The following IGHMBP2 variants were observed in gnomAD, a reference collection of about 807,000 sequenced individuals.
The protein encoded by IGHMBP2 is DNA-binding protein SMUBP-2.
In IGHMBP2, 81 loss-of-function variants were observed where a neutral mutation model predicts 96.0. That is an observed-to-expected ratio of 0.84 (90% CI 0.71 to 1.01). The LOEUF (loss-of-function observed/expected upper bound fraction) is 1.01. Among genes scored for constraint, IGHMBP2 ranks in the 50% least tolerant of loss-of-function variants. The pLI, the probability that IGHMBP2 is intolerant of heterozygous loss-of-function variation, is 0.00. For missense variants in IGHMBP2, 1,227 were observed against 1,306.3 expected, an observed-to-expected ratio of 0.94 and a Z score of 0.94; for synonymous variants, 557 against 548.9, an observed-to-expected ratio of 1.01 and a Z score of -0.21.
At chr11:68,913,362 G>A (rs1265876141) in intron 5 of IGHMBP2, among the ~76,000 whole-genome samples, 1 of 152,148 alleles carries the variant, frequency 6.6e-6, no homozygotes, top group African/African-American at 2.4e-5. Context: ...CTTTGGACAT[G>A]CCAGTGGGGT....
At chr11:68,925,771 A>G (rs1339935109) in intron 7 of IGHMBP2, among the ~76,000 whole-genome samples, 2 of 152,188 alleles carry the variant, frequency 1.3e-5, no homozygotes, top group African/African-American at 4.8e-5. Context: ...TGGACGTGTC[A>G]TTCCATTGCC....
Position 68,936,571 on chromosome 11 carries a change from G to C in IGHMBP2, c.2091G>C (p.Pro697=). 1 of 1,611,774 alleles carries C rather than the reference G, an allele frequency of 6.2e-7. No individual in the cohort carries two copies. Among genetic ancestry groups the C allele is most frequent in the Non-Finnish European group, 8.5e-7 (1 of 1,178,752 alleles). ...CTGCCAGACAGGGCCGGAAGAAGCC[G>C]GCTGGGAAGTCTCTGGCCTCTGAAG... ...AAPARQGRKK[P]AGKSLASEAP... Residue 697 remains proline, a synonymous_variant, in exon 13 of 15, where the codon CCG becomes CCC. Transcript: ENST00000255078.
intron 13 of IGHMBP2, chr11:68,937,930 A>T (rs1859614101): frequency 1.9e-6 from 1 of 513,446 alleles, no homozygotes; most frequent in Admixed American, 3.0e-5. Flanking sequence ...CTGACAGGGT[A>T]GCAGAGGGAA....
rs778774954 is a variant in IGHMBP2 at position 68,906,211 on chromosome 11, G to C, written c.229G>C (p.Ala77Pro). ...GCCCAGGCGATACGGGTCCGCGGCA[G>C]CTCTTCCCAGTAACAGCTTTACTTC... ...FEPRRYGSAA[A>P]LPSNSFTSGD... The change falls in exon 2 of 15, where the codon GCT (alanine) becomes CCT (proline). Residue 77 changes from alanine (A) to proline (P), a missense_variant. Physicochemically the swap from Ala to Pro is conservative, Grantham distance 27 (BLOSUM62 -1). This residue lies in a region of IGHMBP2 where 507 missense variants were observed against 496.9 expected (regional missense o/e 1.02). Transcript: ENST00000255078. The C allele has an allele frequency of 1.2e-6, 2 of 1,614,018 alleles. No homozygotes were observed. Among genetic ancestry groups the C allele is most frequent in the Non-Finnish European group, 1.7e-6 (2 of 1,179,958 alleles).
chr11:68,910,106 C>A (rs1352076885), intron 4 of IGHMBP2, among the ~76,000 whole-genome samples: 1 of 152,238 alleles, frequency 6.6e-6, no homozygotes, highest in Non-Finnish European at 1.5e-5. Flanking sequence ...CAGCTATTTT[C>A]TATCATACTG....
At chr11:68,938,796 C>A (rs113321403) in intron 14 of IGHMBP2, among the ~76,000 whole-genome samples, 4 of 152,128 alleles carry the variant, frequency 2.6e-5, no homozygotes, top group African/African-American at 4.8e-5. Flanking sequence ...GAGGTCTGAA[C>A]CAGCCTTGTC....
intron 6 of IGHMBP2, among the ~76,000 whole-genome samples, chr11:68,915,983 GGCCCACATGGTGAAACCCC>G (rs1858650263): frequency 6.6e-6 from 1 of 151,310 alleles, no homozygotes; most frequent in African/African-American, 2.4e-5. Flanking sequence ...AGACCAGCCT[GGCCCACATGGTGAAACCCC>G]GTCTCTACTA....
At chr11:68,916,732 G>T (rs907724519) in intron 6 of IGHMBP2, among the ~76,000 whole-genome samples, 4 of 152,128 alleles carry the variant, frequency 2.6e-5, no homozygotes, top group African/African-American at 9.7e-5. Flanking sequence ...GCATGGCAGC[G>T]TGGGGATGGG....
At chr11:68,935,098 C>T (rs1406669857) in intron 11 of IGHMBP2, among the ~76,000 whole-genome samples, 1 of 152,212 alleles carries the variant, frequency 6.6e-6, no homozygotes, top group Non-Finnish European at 1.5e-5. Flanking sequence ...GATCAAATGC[C>T]AGGGACAGGG....
chr11:68,937,817 T>G (rs1453994105), intron 13 of IGHMBP2: 2 of 275,876 alleles, frequency 7.2e-6, no homozygotes, highest in Non-Finnish European at 1.4e-5. Flanking sequence ...TCCCAGAGCC[T>G]GGGGCTCCAG....
At chr11:68,935,652 G>T (rs1157120719) in intron 12 of IGHMBP2, among the ~76,000 whole-genome samples, 3 of 152,180 alleles carry the variant, frequency 2.0e-5, no homozygotes, top group Non-Finnish European at 4.4e-5. Context: ...GGCAGCTGGG[G>T]GCGCAGGGTG....
chr11:68,940,089 T>C lies in IGHMBP2; in HGVS notation c.*358T>C. On this transcript the variant is annotated 3_prime_UTR_variant, in exon 15 of 15. Transcript: ENST00000255078. ...AACTTGAAGTCACTCCTCCAATGTC[T>C]GGGACTTGCCAGCTCAGCCCGTTAG... 3.6e-6 allele frequency: 1 copy of C among 279,738 alleles called. No homozygotes were observed. The highest frequency in any genetic ancestry group is 6.8e-6 in the Non-Finnish European group (1 of 146,724). The allele number at this position is 279,738 out of a possible 1,614,324, so 17.3% of individuals were successfully genotyped here.
At chr11:68,931,386 C>T (rs368707537) in intron 8 of IGHMBP2, among the ~76,000 whole-genome samples, 3 of 152,234 alleles carry the variant, frequency 2.0e-5, no homozygotes, top group East Asian at 1.9e-4. Flanking sequence ...CTGCCTGCTT[C>T]GTGGAGCAGG....
At chr11:68,931,516 C>T (rs571761307) in intron 8 of IGHMBP2, among the ~76,000 whole-genome samples, 3 of 152,296 alleles carry the variant, frequency 2.0e-5, no homozygotes, top group Admixed American at 6.5e-5. Flanking sequence ...GCAGTTTGGG[C>T]GGCTGTAGCC....
intron 7 of IGHMBP2, among the ~76,000 whole-genome samples, chr11:68,924,941 A>G (rs1020679436): frequency 6.6e-6 from 1 of 152,078 alleles, no homozygotes; most frequent in African/African-American, 2.4e-5. Flanking sequence ...TTCTTAAAAC[A>G]TTATGAGATT....
chr11:68,915,169 T>G, intron 6 of IGHMBP2, 146 bp downstream of exon 6: 1 of 154,976 alleles, frequency 6.5e-6, no homozygotes. Context: ...GGCTGCCCTT[T>G]TTTTTTTTTT....
chr11:68,937,084 A>C lies in IGHMBP2; in HGVS notation c.2604A>C (p.Lys868Asn), dbSNP rs1307749387. 6.3e-7 allele frequency: 1 copy of C among 1,597,610 alleles called. No homozygotes were observed. The highest frequency in any genetic ancestry group is 1.3e-5 in the African/African-American group (1 of 74,876). The change falls in exon 13 of 15, where the codon AAA becomes AAC. Residue 868 changes from lysine (K) to asparagine (N), a missense_variant. Around this residue, in one of 3 missense-constraint regions of IGHMBP2, gnomAD observed 703 missense variants for 770.3 expected, o/e 0.91. Transcript: ENST00000255078. ...AACTTCCAGAAAAGAAAAAGAAAAAAGCCAAAGGTAAGTCAACTAATAAGA... is the reference window on the plus strand; with the variant it reads ...AACTTCCAGAAAAGAAAAAGAAAAACGCCAAAGGTAAGTCAACTAATAAGA... The part of the protein sequence containing the change: ...QQKLPEKKKK[K>N]AKGHPATDLP...
rs80298715 is a variant in IGHMBP2, at chr11:68,939,753, C to T, written c.*22C>T. The stretch of plus-strand genomic sequence containing the variant: ...GTGACCGGCCGCATCCTTGCACGCC[C>T]CGCGGAGCTCTCTCCATGGTAGCCC... On this transcript the variant is annotated 3_prime_UTR_variant, in exon 15 of 15. Coordinates refer to ENST00000255078, the MANE Select transcript of IGHMBP2 (RefSeq NM_002180.3). The T allele has an allele frequency of 1.3e-3, 2,121 of 1,587,190 alleles. 26 individuals are homozygous for T. In the African/African-American group the frequency reaches 0.025, roughly 19 times the overall value.
intron 8 of IGHMBP2, 138 bp from the exon 9 acceptor site, chr11:68,933,161 C>A (rs1320000613): frequency 2.3e-6 from 2 of 871,772 alleles, no homozygotes; most frequent in Admixed American, 4.2e-5. Context: ...CCAAACCCGC[C>A]CCTTGGTTAC....
Sources: allele counts gnomAD v4.1 joint callset (sites outside exome capture counted in the v4.1 genomes callset), GRCh38; gene constraint gnomAD v4.1.1; regional missense constraint gnomAD v4.1.1; transcripts MANE v1.5; gene names NCBI Gene and HGNC (gene_info 2026-07-23, HGNC 2026-07-21).